CADPS2: variants seen among roughly 807,000 people sequenced by gnomAD.
The protein encoded by CADPS2 is calcium-dependent secretion activator 2.
A neutral mutation model predicts 172.5 loss-of-function variants in CADPS2; 93 were observed. That is an observed-to-expected ratio of 0.54 (90% CI 0.46 to 0.64). The LOEUF is 0.64. CADPS2 is among the 30% of genes least tolerant of loss of function. CADPS2 has a pLI of 0.00. For synonymous variants in CADPS2, 546 were observed against 555.2 expected (o/e 0.98, Z 0.23); for missense variants, 1,420 against 1,565.9 (o/e 0.91, Z 1.57).
chr7:122,423,225 G>C (rs2048745724), intron 17 of CADPS2, among the ~76,000 whole-genome samples: 2 of 152,188 alleles, frequency 1.3e-5, no homozygotes, highest in Admixed American at 6.5e-5. Context: ...GGGCAAGTAG[G>C]CTCCAGGAGG....
At chr7:122,704,365 A>G (rs940132846) in intron 2 of CADPS2, among the ~76,000 whole-genome samples, 4 of 150,254 alleles carry the variant, frequency 2.7e-5, no homozygotes, top group African/African-American at 9.8e-5. Flanking sequence ...TTTTTTTTTC[A>G]TGTTCAAATG....
chr7:122,460,410 G>C (rs2054304835), intron 14 of CADPS2, among the ~76,000 whole-genome samples: 1 of 151,660 alleles, frequency 6.6e-6, no homozygotes, highest in African/African-American at 2.4e-5. Context: ...GACCTAATTT[G>C]GATGAGCTGC....
rs1440285679 is a variant in CADPS2, at chr7:122,663,246, A to T, written c.777T>A (p.Asn259Lys). 3 of 1,608,748 alleles carry T rather than the reference A, an allele frequency of 1.9e-6. No homozygotes were observed. The highest frequency in any genetic ancestry group is 2.6e-6 in the Non-Finnish European group (3 of 1,175,978). ...IKKLEHQLLY[N>K]ACQLDNADEQ... ...ATCAGAGACCACTTACCTGACATGC[A>T]TTATAAAGGAGCTGGTGTTCCAGTT... Residue 259 changes from asparagine to lysine, a missense_variant, in exon 3 of 30, where the codon AAT becomes AAA. Transcript: ENST00000449022.
intron 28 of CADPS2, among the ~76,000 whole-genome samples, chr7:122,331,494 T>C (rs2034938829): frequency 6.6e-6 from 1 of 151,974 alleles, no homozygotes; most frequent in South Asian, 2.1e-4. Context: ...AAAAAATTAG[T>C]TGGGTGCTGT....
intron 6 of CADPS2, chr7:122,585,891 C>T (rs941189521): frequency 1.3e-5 from 2 of 151,898 alleles, no homozygotes; most frequent in African/African-American, 2.4e-5. Flanking sequence ...AGCCAAAATA[C>T]ATGTTCATAT....
intron 3 of CADPS2, among the ~76,000 whole-genome samples, chr7:122,630,934 A>G (rs1394384252): frequency 6.6e-6 from 1 of 152,172 alleles, no homozygotes; most frequent in Non-Finnish European, 1.5e-5. Context: ...TAAAACTAAC[A>G]AACAATTTTA....
intron 1 of CADPS2, among the ~76,000 whole-genome samples, chr7:122,836,115 G>A (rs888304158): frequency 9.2e-5 from 14 of 152,014 alleles, no homozygotes; most frequent in Non-Finnish European, 2.9e-5. Flanking sequence ...AGAGAGTGGG[G>A]GCCAATATTC....
chr7:122,337,541 C>G (rs2036049990), intron 28 of CADPS2, among the ~76,000 whole-genome samples: 2 of 152,194 alleles, frequency 1.3e-5, no homozygotes, highest in Admixed American at 6.5e-5. Context: ...TTTTAATTCA[C>G]CAAAGCTCTG....
chr7:122,324,234 A>G (rs2033333434), intron 29 of CADPS2, among the ~76,000 whole-genome samples: 1 of 152,104 alleles, frequency 6.6e-6, no homozygotes, highest in South Asian at 2.1e-4. Context: ...TCTACTTTCC[A>G]GTAGATTTGC....
At chr7:122,586,769 C>A (rs996546847) in intron 6 of CADPS2, among the ~76,000 whole-genome samples, 2 of 151,836 alleles carry the variant, frequency 1.3e-5, no homozygotes, top group Non-Finnish European at 2.9e-5. Flanking sequence ...TAATTTATTT[C>A]ACAGTATTTA....
At chr7:122,368,362 T>C (rs567415110) in intron 25 of CADPS2, among the ~76,000 whole-genome samples, 1 of 152,114 alleles carries the variant, frequency 6.6e-6, no homozygotes, top group East Asian at 2.0e-4. Context: ...GAGGTGAAGC[T>C]ATCACTCTTT....
At chr7:122,364,671 G>T (rs1169716629) in intron 25 of CADPS2, among the ~76,000 whole-genome samples, 1 of 150,828 alleles carries the variant, frequency 6.6e-6, no homozygotes, top group African/African-American at 2.4e-5. Context: ...AGCTTGCAGT[G>T]AGCCGAGATT....
chr7:122,541,332 G>C (rs1456435283), intron 8 of CADPS2, among the ~76,000 whole-genome samples: 1 of 147,212 alleles, frequency 6.8e-6, no homozygotes, highest in East Asian at 2.0e-4. Context: ...GAGTAGCTAG[G>C]ATTACAGGCG....
At chr7:122,370,799 A>G (rs552278345) in intron 25 of CADPS2, among the ~76,000 whole-genome samples, 129 of 152,298 alleles carry the variant, frequency 8.5e-4, no homozygotes, top group Non-Finnish European at 1.5e-3. Context: ...AAAAACTATG[A>G]AACCAATAGA....
intron 1 of CADPS2, among the ~76,000 whole-genome samples, chr7:122,777,839 G>C (rs549556058): frequency 2.6e-5 from 4 of 152,184 alleles, no homozygotes; most frequent in East Asian, 1.9e-4. Flanking sequence ...AAATTACCCA[G>C]TCTCACGTAT....
intron 8 of CADPS2, among the ~76,000 whole-genome samples, chr7:122,546,955 T>A: frequency 6.6e-6 from 1 of 152,166 alleles, no homozygotes; most frequent in African/African-American, 2.4e-5. Context: ...ATTGACAGAA[T>A]AAATACTGAA....
intron 17 of CADPS2, among the ~76,000 whole-genome samples, chr7:122,431,708 T>C (rs1036783584): frequency 4.6e-5 from 7 of 152,084 alleles, no homozygotes; most frequent in African/African-American, 1.7e-4. Context: ...CAAAGTATTG[T>C]CTTAAGAAGT....
chr7:122,485,158 A>AAC (rs2057679319), intron 11 of CADPS2, among the ~76,000 whole-genome samples: 2 of 152,176 alleles, frequency 1.3e-5, no homozygotes, highest in Admixed American at 6.5e-5. Flanking sequence ...AAATTAGGCT[A>AAC]ACTAACAACC....
At chr7:122,777,970 T>G (rs1475122790) in intron 1 of CADPS2, among the ~76,000 whole-genome samples, 1 of 151,566 alleles carries the variant, frequency 6.6e-6, no homozygotes, top group African/African-American at 2.4e-5. Context: ...CAGGCAGAGG[T>G]TGGAATAGTT....
Sources: allele counts gnomAD v4.1 joint callset (sites outside exome capture counted in the v4.1 genomes callset), GRCh38; gene constraint gnomAD v4.1.1; transcripts MANE v1.5; gene names NCBI Gene and HGNC (gene_info 2026-07-23, HGNC 2026-07-21).